Variants in GAREM2 observed in about 807,000 individuals in gnomAD.
GAREM2 encodes the protein GRB2 associated regulator of MAPK1 subtype 2.
Under a neutral mutation model 55.6 loss-of-function variants are expected in GAREM2, and 30 were observed. The observed-to-expected ratio is 0.54, with a 90% CI of 0.40 to 0.73. The LOEUF (loss-of-function observed/expected upper bound fraction) is 0.73. Ranked by LOEUF, GAREM2 falls within the 30% of genes least tolerant of loss-of-function variation. The pLI is 0.00. For missense variants in GAREM2, 1,075 were observed against 1,257.7 expected (o/e 0.85, Z 2.20); for synonymous variants, 550 against 569.1 (o/e 0.97, Z 0.48).
chr2:26,187,508 C>T lies in GAREM2; in HGVS notation c.1876C>T (p.Pro626Ser), dbSNP rs147061531. Residue 626 changes from proline (P) to serine (S), a missense_variant, in exon 6 of 6, where the codon CCG (proline) becomes TCG (serine). Pro to Ser is a moderately conservative substitution (Grantham distance 74, BLOSUM62 -1). Transcript: ENST00000401533. ...CTCACATCCCCAGAAGCGCTTTGCTCCGTTTGGAGCTCTCAACCCTTTTTC... is the reference window on the plus strand; with the variant it reads ...CTCACATCCCCAGAAGCGCTTTGCTTCGTTTGGAGCTCTCAACCCTTTTTC... ...KPSHPQKRFA[P>S]FGALNPFSGP... 4.9e-4 allele frequency: 759 copies of T among 1,541,080 alleles called. 3 individuals are homozygous for T. The African/African-American group carries it at 9.6e-3, about 19-fold the overall frequency.
chr2:26,182,526 C>G, intron 2 of GAREM2: 5 of 1,534,684 alleles, frequency 3.3e-6, no homozygotes, highest in Non-Finnish European at 4.4e-6. Flanking sequence ...CCTACCCCCT[C>G]AGATGAGGAC....
chr2:26,195,023 G>T, the GAREM2 span: 1 of 1,237,006 alleles, frequency 8.1e-7, no homozygotes. Flanking sequence ...TTATAAACAA[G>T]CCTGGAGGTA....
downstream of GAREM2, among the ~76,000 whole-genome samples, chr2:26,190,355 G>A (rs980395868): frequency 4.6e-5 from 7 of 152,088 alleles, no homozygotes; most frequent in Admixed American, 1.3e-4. Flanking sequence ...ACTGGGCACT[G>A]CTTCTGTAGG....
In GAREM2 at chr2:26,179,435, T is replaced by C. The variant is rs1365431966; in HGVS notation, c.253+2951T>C. The stretch of plus-strand genomic sequence containing the variant: ...GCCAGATTTGTCGCACTCCAAAGCC[T>C]GAGCTTTTACCCACGTTCTTTACTG... On this transcript the variant is annotated intron_variant, in intron 2 of 5. Coordinates refer to ENST00000401533, the MANE Select transcript of GAREM2 (RefSeq NM_001168241.2). This position sits in a 1 kb window ranked among gnomAD's most constrained non-coding sequence, Gnocchi z 4.7. Among the ~76,000 whole-genome samples, 1 of 152,192 alleles carries C rather than the reference T, an allele frequency of 6.6e-6. No homozygotes were observed. Among genetic ancestry groups the C allele is most frequent in the African/African-American group, 2.4e-5 (1 of 41,452 alleles).
downstream of GAREM2, among the ~76,000 whole-genome samples, chr2:26,193,293 C>CT (rs370942158): frequency 0.034 from 3,902 of 115,150 alleles, 205 homozygotes; most frequent in African/African-American, 0.052. Flanking sequence ...CACATGACAT[C>CT]TTTTTTTTTT....
the GAREM2 span, among the ~76,000 whole-genome samples, chr2:26,201,606 CTT>C: frequency 6.6e-6 from 1 of 152,154 alleles, no homozygotes; most frequent in African/African-American, 2.4e-5. Context: ...CTAAATCACT[CTT>C]AAACCAGTTA....
At position 26,187,549 on chromosome 2, in the gene GAREM2, C is replaced by T. The variant is rs1187082322; in HGVS notation, c.1917C>T (p.Pro639=). 4 of 1,542,640 alleles carry T rather than the reference C, an allele frequency of 2.6e-6. No individual in the cohort carries two copies. The highest frequency in any genetic ancestry group is 4.9e-5 in the East Asian group (2 of 40,824). The change falls in exon 6 of 6, where the codon CCC becomes CCT. Residue 639 remains proline (P), a synonymous_variant. Transcript: ENST00000401533. ...ACCCTTTTTCCGGGCCTGCCTACCC[C>T]TCAGGCCCTTCAGCGGCCTTGTCTT... is the stretch of plus-strand genomic sequence containing the variant. ...ALNPFSGPAY[P]SGPSAALSSG...
intron 2 of GAREM2, chr2:26,181,928 G>A: frequency 1.2e-6 from 1 of 845,188 alleles, no homozygotes; most frequent in Non-Finnish European, 1.4e-6. Flanking sequence ...GCAGTGAGTT[G>A]TGATCATGCC....
downstream of GAREM2, chr2:26,192,395 A>C: frequency 6.2e-7 from 1 of 1,603,088 alleles, no homozygotes; most frequent in Non-Finnish European, 8.5e-7. Context: ...CCCTCCTGAT[A>C]GATGTAAAAG....
chr2:26,174,518 C>T (rs1288506339), intron 1 of GAREM2, among the ~76,000 whole-genome samples: 1 of 152,230 alleles, frequency 6.6e-6, no homozygotes, highest in Non-Finnish European at 1.5e-5. Context: ...TGGCTTGTCT[C>T]CTACTGTGCA....
At chr2:26,186,432 C>A in intron 5 of GAREM2, 74 bp downstream of exon 5, 1 of 1,386,414 alleles carries the variant, frequency 7.2e-7, no homozygotes, top group Non-Finnish European at 1.0e-6. Context: ...GGGGGAACTA[C>A]AGTGCTGAGG....
chr2:26,180,178 T>C (rs1453573755), intron 2 of GAREM2, among the ~76,000 whole-genome samples: 1 of 152,112 alleles, frequency 6.6e-6, no homozygotes, highest in African/African-American at 2.4e-5. Flanking sequence ...TGTTCTGGGC[T>C]CTCATTTCTC....
At chr2:26,182,103 C>T in intron 2 of GAREM2, 1 of 1,096,962 alleles carries the variant, frequency 9.1e-7, no homozygotes, top group Non-Finnish European at 1.1e-6. Context: ...CAGGGCGGCT[C>T]AGAGCTTGTT....
chr2:26,185,417 C>A, intron 4 of GAREM2, 141 bp downstream of exon 4: 1 of 1,305,540 alleles, frequency 7.7e-7, no homozygotes, highest in Admixed American at 3.4e-5. Flanking sequence ...AGGGCAGAGG[C>A]ATGCCAGGCA....
Position 26,187,807 on chromosome 2 carries a change from G to A in GAREM2, c.2175G>A (p.Val725=). The change falls in exon 6 of 6, where the codon GTG becomes GTA. Residue 725 remains valine, a synonymous_variant. Transcript: ENST00000401533. ...ELLRSQEPRA[V]GTPGPGPRLS... is the part of the protein sequence containing the mutation. ...TGCGTTCTCAGGAGCCCAGAGCAGT[G>A]GGGACACCTGGGCCTGGACCCCGCC... 2 of 1,442,890 alleles carry A rather than the reference G, an allele frequency of 1.4e-6. No homozygotes were observed. The highest frequency in any genetic ancestry group is 1.8e-6 in the Non-Finnish European group (2 of 1,093,384). The allele number at this position is 1,442,890 out of a possible 1,614,324, so 89.4% of individuals were successfully genotyped here.
chr2:26,198,489 A>G, the GAREM2 span, among the ~76,000 whole-genome samples: 1 of 151,208 alleles, frequency 6.6e-6, no homozygotes, highest in Non-Finnish European at 1.5e-5. Flanking sequence ...GTTTTTATTC[A>G]GATGGTTGGA....
chr2:26,196,753 G>A, the GAREM2 span, among the ~76,000 whole-genome samples: 1 of 152,204 alleles, frequency 6.6e-6, no homozygotes, highest in Non-Finnish European at 1.5e-5. Context: ...TCCGATGGCG[G>A]GGAGAGGTTA....
chr2:26,192,368 A>G (rs1558313994), downstream of GAREM2: 2 of 1,611,656 alleles, frequency 1.2e-6, no homozygotes, highest in South Asian at 2.2e-5. Flanking sequence ...TCAGAATTCA[A>G]ATCCTTCCTC....
chr2:26,179,492 G>A lies in GAREM2; in HGVS notation c.253+3008G>A, dbSNP rs532927839. On this transcript the variant is annotated intron_variant, in intron 2 of 5. Coordinates refer to ENST00000401533, the MANE Select transcript of GAREM2 (RefSeq NM_001168241.2). The surrounding 1 kb of genome is among the most constrained non-coding windows in gnomAD (Gnocchi z 4.7). ...TGCTGTGGGGCAGGCATGGAGAAGG[G>A]TGGTCAGCAATCCCCTGCCACAGCC... Among the ~76,000 whole-genome samples the A allele has an allele frequency of 2.6e-5, 4 of 152,314 alleles. No individual in the cohort carries two copies. In the South Asian group the frequency reaches 8.3e-4, roughly 32 times the overall value.
Sources: gnomAD v4.1 joint callset for allele counts (sites outside exome capture counted in the v4.1 genomes callset) on GRCh38, gnomAD v4.1.1 for gene constraint, Gnocchi (gnomAD v3.1) non-coding constraint, MANE v1.5 for transcripts, NCBI Gene and HGNC (gene_info 2026-07-23, HGNC 2026-07-21) for gene names.